The following ARID1B variants were observed in gnomAD, a reference collection of about 807,000 sequenced individuals.
ARID1B encodes the protein AT-rich interactive domain-containing protein 1B.
In ARID1B, 30 loss-of-function variants were observed where a neutral mutation model predicts 212.3. The observed-to-expected ratio is 0.14, with a 90% CI of 0.11 to 0.19. The LOEUF is 0.19. Among genes scored for constraint, ARID1B ranks in the 10% least tolerant of loss-of-function variants. ARID1B has a pLI of 1.00. For missense variants in ARID1B, 2,891 were observed against 3,204.0 expected (o/e 0.90, Z 2.36); for synonymous variants, 1,402 against 1,301.7 (o/e 1.08, Z -1.66).
intron 4 of ARID1B, among the ~76,000 whole-genome samples, chr6:156,966,389 T>C: frequency 7.5e-6 from 1 of 132,456 alleles, no homozygotes; most frequent in South Asian, 2.2e-4. Context: ...TTCTTTTCTT[T>C]TTTTTTTTTT....
chr6:156,895,981 T>G (rs1417061331), intron 2 of ARID1B, among the ~76,000 whole-genome samples: 5 of 152,270 alleles, frequency 3.3e-5, no homozygotes, highest in Non-Finnish European at 7.3e-5. Flanking sequence ...TGCATTAACT[T>G]TTTGTTGCTT....
At chr6:157,027,588 A>G (rs928486668) in intron 4 of ARID1B, among the ~76,000 whole-genome samples, 11 of 152,338 alleles carry the variant, frequency 7.2e-5, no homozygotes, top group African/African-American at 2.6e-4. Flanking sequence ...CACAATCGAG[A>G]TGTATGAACA....
At chr6:157,125,742 G>A (rs1788094512) in intron 6 of ARID1B, among the ~76,000 whole-genome samples, 1 of 152,196 alleles carries the variant, frequency 6.6e-6, no homozygotes, top group Admixed American at 6.5e-5. Flanking sequence ...TGTCCCGCTG[G>A]AATGTTAATT....
intron 1 of ARID1B, among the ~76,000 whole-genome samples, chr6:156,811,180 C>G (rs1781530074): frequency 1.3e-5 from 2 of 152,192 alleles, no homozygotes; most frequent in Admixed American, 1.3e-4. Flanking sequence ...CAGATTATGT[C>G]AAGCCCATCC....
At chr6:157,047,588 T>G (rs1014961917) in intron 4 of ARID1B, among the ~76,000 whole-genome samples, 1 of 152,184 alleles carries the variant, frequency 6.6e-6, no homozygotes, top group African/African-American at 2.4e-5. Context: ...TTAGTGTAGT[T>G]CATGCCTGCC....
chr6:156,965,351 C>T (rs1299327440), intron 4 of ARID1B, among the ~76,000 whole-genome samples: 3 of 152,192 alleles, frequency 2.0e-5, no homozygotes, highest in African/African-American at 7.2e-5. Flanking sequence ...CACCTGTCTT[C>T]CTCCAGATGT....
intron 2 of ARID1B, among the ~76,000 whole-genome samples, chr6:156,897,264 C>CTTATTATTATTA (rs1163995525): frequency 0.02 from 1,706 of 83,484 alleles, 33 homozygotes; most frequent in East Asian, 0.027. Flanking sequence ...TCTTCTTCTT[C>CTTATTATTATTA]TTATTATTAT....
intron 4 of ARID1B, among the ~76,000 whole-genome samples, chr6:156,946,985 GC>G (rs762227871): frequency 2.5e-4 from 38 of 152,270 alleles, no homozygotes; most frequent in Non-Finnish European, 5.1e-4. Flanking sequence ...AATATTGATG[GC>G]ATTGGCTATA....
intron 13 of ARID1B, among the ~76,000 whole-genome samples, chr6:157,188,944 A>T (rs887777755): frequency 3.9e-5 from 6 of 152,224 alleles, no homozygotes; most frequent in Admixed American, 2.0e-4. Context: ...TAATGTAATT[A>T]TACTTAAAGC....
intron 4 of ARID1B, among the ~76,000 whole-genome samples, chr6:157,069,241 C>A (rs922092998): frequency 6.6e-6 from 1 of 152,050 alleles, no homozygotes; most frequent in African/African-American, 2.4e-5. Flanking sequence ...AATATAGCTC[C>A]ATTTATTTTT....
At position 157,153,479 on chromosome 6, in the gene ARID1B, G is replaced by C. The variant is rs146698748; in HGVS notation, c.3089+4528G>C. ...TGAAGATATAAGAAACAGAGAGTTG[G>C]AAATACTAGCTGATCTTACTAAAAG... On this transcript the variant is annotated intron_variant, in intron 8 of 19. Coordinates refer to ENST00000636930, the MANE Select transcript of ARID1B (RefSeq NM_001374828.1). Among the ~76,000 whole-genome samples the C allele has an allele frequency of 1.1e-3, 160 of 152,266 alleles. 1 individual carries two copies. The highest frequency in any genetic ancestry group is 3.5e-3 in the African/African-American group (147 of 41,558).
At chr6:156,870,690 T>C (rs1052014743) in intron 2 of ARID1B, among the ~76,000 whole-genome samples, 5 of 150,466 alleles carry the variant, frequency 3.3e-5, no homozygotes, top group African/African-American at 7.3e-5. Flanking sequence ...CCTGTGAAAA[T>C]AGAAGTACTT....
At chr6:156,848,363 T>C (rs1357475543) in intron 2 of ARID1B, among the ~76,000 whole-genome samples, 3 of 152,214 alleles carry the variant, frequency 2.0e-5, no homozygotes, top group African/African-American at 7.2e-5. Context: ...TGTAGCCTTA[T>C]GTGTCAGGAA....
At chr6:156,991,907 C>T (rs917656151) in intron 4 of ARID1B, among the ~76,000 whole-genome samples, 9 of 152,062 alleles carry the variant, frequency 5.9e-5, no homozygotes, top group African/African-American at 2.2e-4. Context: ...AATTTTTAAT[C>T]TTGAAAATTA....
intron 2 of ARID1B, among the ~76,000 whole-genome samples, chr6:156,858,587 G>A (rs1461668699): frequency 6.6e-6 from 1 of 152,248 alleles, no homozygotes; most frequent in African/African-American, 2.4e-5. Context: ...CCAACATGGT[G>A]AAACCCTGCC....
intron 4 of ARID1B, among the ~76,000 whole-genome samples, chr6:157,032,910 C>A (rs112954985): frequency 0.01 from 1,588 of 152,210 alleles, 10 homozygotes; most frequent in Non-Finnish European, 0.014. Flanking sequence ...GAAATCTTTT[C>A]TTGTCTGCAC....
intron 7 of ARID1B, among the ~76,000 whole-genome samples, chr6:157,136,751 A>G (rs892650222): frequency 2.0e-5 from 3 of 151,902 alleles, no homozygotes; most frequent in African/African-American, 7.3e-5. Context: ...GGTCCCAGCT[A>G]CTTGGGAGGC....
chr6:156,905,871 T>G (rs1445081631), intron 3 of ARID1B, among the ~76,000 whole-genome samples: 1 of 152,252 alleles, frequency 6.6e-6, no homozygotes, highest in Non-Finnish European at 1.5e-5. Context: ...GTTATTGTTA[T>G]AATGGGATCT....
At chr6:157,066,080 G>A (rs1289256683) in intron 4 of ARID1B, among the ~76,000 whole-genome samples, 3 of 152,170 alleles carry the variant, frequency 2.0e-5, no homozygotes, top group Admixed American at 6.5e-5. Flanking sequence ...GTCACTAATG[G>A]TAAGCCATTT....
Sources: allele counts gnomAD v4.1 joint callset (sites outside exome capture counted in the v4.1 genomes callset), GRCh38; gene constraint gnomAD v4.1.1; transcripts MANE v1.5; gene names NCBI Gene and HGNC (gene_info 2026-07-23, HGNC 2026-07-21).